Variants in PRR5 observed in about 807,000 individuals in gnomAD.
PRR5 encodes proline-rich protein 5.
Under a neutral mutation model 30.6 loss-of-function variants are expected in PRR5, and 25 were observed. The observed-to-expected ratio is 0.82, with a 90% CI of 0.60 to 1.14. The LOEUF is 1.14. Ranked by LOEUF, PRR5 falls within the 50% of genes most tolerant of loss-of-function variation. PRR5 has a pLI of 0.00. For synonymous variants in PRR5, 286 were observed against 247.1 expected (o/e 1.16, Z -1.48); for missense variants, 600 against 547.1 (o/e 1.10, Z -0.96).
chr22:44,688,354 A>C (rs1601961613), intron 1 of PRR5, among the ~76,000 whole-genome samples: 2 of 152,088 alleles, frequency 1.3e-5, no homozygotes, highest in Admixed American at 1.3e-4. Flanking sequence ...ACTGCATTCC[A>C]GCCTGGGCTA....
intron 1 of PRR5, among the ~76,000 whole-genome samples, chr22:44,707,780 C>T (rs1157556948): frequency 6.6e-6 from 1 of 152,234 alleles, no homozygotes; most frequent in African/African-American, 2.4e-5. Flanking sequence ...CAGTCCACAC[C>T]AACACAGACC....
chr22:44,694,998 C>T (rs1002809354), intron 1 of PRR5, among the ~76,000 whole-genome samples: 1 of 152,038 alleles, frequency 6.6e-6, no homozygotes, highest in African/African-American at 2.4e-5. Context: ...CGATGAAACC[C>T]CATCTCTACT....
chr22:44,736,311 C>G (rs1184169197), intron 7 of PRR5, among the ~76,000 whole-genome samples: 1 of 152,240 alleles, frequency 6.6e-6, no homozygotes, highest in African/African-American at 2.4e-5. Context: ...CATCACAGCC[C>G]CACAACCTGG....
At chr22:44,726,136 G>A (rs2147134838) in intron 3 of PRR5, among the ~76,000 whole-genome samples, 1 of 152,350 alleles carries the variant, frequency 6.6e-6, no homozygotes, top group South Asian at 2.1e-4. Context: ...TGCTTGGGTT[G>A]CTGAGACCAC....
upstream of PRR5, among the ~76,000 whole-genome samples, chr22:44,676,390 CAAAAAAAAAAAAA>C (rs59016907): frequency 8.1e-5 from 3 of 37,068 alleles, no homozygotes; most frequent in South Asian, 1.4e-3. Flanking sequence ...GACCCTGTCT[CAAAAAAAAAAAAA>C]AAAAAAAAAA....
intron 4 of PRR5, chr22:44,729,516 G>A (rs1197076403): frequency 1.5e-5 from 15 of 985,388 alleles, no homozygotes; most frequent in Non-Finnish European, 1.7e-5. Flanking sequence ...GGCAGCAAAC[G>A]CCCAGTGCTG....
At chr22:44,731,645 G>A (rs1335919835) in intron 4 of PRR5, 85 bp from the exon 5 acceptor site, 8 of 1,385,612 alleles carry the variant, frequency 5.8e-6, no homozygotes, top group Admixed American at 1.7e-5. Flanking sequence ...CTCCACTCCC[G>A]CATCCTCTGA....
chr22:44,686,930 TTC>T (rs1239856160), intron 1 of PRR5, among the ~76,000 whole-genome samples: 1 of 152,204 alleles, frequency 6.6e-6, no homozygotes, highest in Non-Finnish European at 1.5e-5. Flanking sequence ...ATTTGATTCC[TTC>T]TTTTACATCT....
At chr22:44,673,424 C>G (rs1317728787), upstream of PRR5, among the ~76,000 whole-genome samples, 1 of 152,220 alleles carries the variant, frequency 6.6e-6, no homozygotes, top group Non-Finnish European at 1.5e-5. Context: ...TAGAAGTTTA[C>G]CTACTTGCCC....
At chr22:44,674,839 A>G (rs934039078), upstream of PRR5, among the ~76,000 whole-genome samples, 4 of 151,584 alleles carry the variant, frequency 2.6e-5, no homozygotes, top group African/African-American at 9.7e-5. Flanking sequence ...CCAGCTACTC[A>G]GGAGGGTGAG....
chr22:44,696,331 C>T (rs1369078911), intron 1 of PRR5, among the ~76,000 whole-genome samples: 1 of 152,154 alleles, frequency 6.6e-6, no homozygotes, highest in Admixed American at 6.6e-5. Flanking sequence ...TGGACAGTCA[C>T]CTCCTTATAC....
chr22:44,699,411 A>T (rs1601980707), upstream of PRR5, among the ~76,000 whole-genome samples: 2 of 152,296 alleles, frequency 1.3e-5, no homozygotes, highest in South Asian at 4.1e-4. Context: ...AAACCATTTC[A>T]TCCCATCCGG....
At chr22:44,716,403 G>T (rs562055151) in intron 2 of PRR5, among the ~76,000 whole-genome samples, 6 of 152,352 alleles carry the variant, frequency 3.9e-5, no homozygotes, top group Admixed American at 3.9e-4. Context: ...ACCTGTAGTG[G>T]CTCTTGCCCG....
At chr22:44,688,997 A>T (rs1925006089) in intron 1 of PRR5, among the ~76,000 whole-genome samples, 1 of 152,170 alleles carries the variant, frequency 6.6e-6, no homozygotes, top group African/African-American at 2.4e-5. Context: ...TAATATAAAT[A>T]TATCTTAAGG....
chr22:44,735,245 C>T (rs190040875), intron 7 of PRR5, 83 bp downstream of exon 7: 2 of 1,442,570 alleles, frequency 1.4e-6, no homozygotes, highest in African/African-American at 2.8e-5. Context: ...AGCCGAGGCC[C>T]CACGACAGAA....
At chr22:44,673,006 C>A (rs1011235379), upstream of PRR5, among the ~76,000 whole-genome samples, 1 of 152,242 alleles carries the variant, frequency 6.6e-6, no homozygotes, top group Non-Finnish European at 1.5e-5. Flanking sequence ...CTCCTCTGAC[C>A]CCAGCATGAG....
At chr22:44,708,242 A>G (rs958692230) in intron 1 of PRR5, among the ~76,000 whole-genome samples, 2 of 152,162 alleles carry the variant, frequency 1.3e-5, no homozygotes, top group Admixed American at 1.3e-4. Flanking sequence ...CCAATGCCAG[A>G]GGAGGAAAGG....
upstream of PRR5, among the ~76,000 whole-genome samples, chr22:44,699,626 G>A (rs1269173378): frequency 6.6e-6 from 1 of 152,274 alleles, no homozygotes; most frequent in Non-Finnish European, 1.5e-5. Context: ...CACGGGGACT[G>A]TAGCAGTGAA....
chr22:44,700,439 G>A (rs947413738), upstream of PRR5, among the ~76,000 whole-genome samples: 10 of 152,106 alleles, frequency 6.6e-5, no homozygotes, highest in African/African-American at 2.4e-4. Flanking sequence ...GCACTCCACA[G>A]GCGACAAGAG....
Sources: gnomAD v4.1 joint callset for allele counts (sites outside exome capture counted in the v4.1 genomes callset) on GRCh38, gnomAD v4.1.1 for gene constraint, MANE v1.5 for transcripts, NCBI Gene and HGNC (gene_info 2026-07-23, HGNC 2026-07-21) for gene names.